The following THEMIS variants were observed in gnomAD, a reference collection of about 807,000 sequenced individuals.
The protein encoded by THEMIS is protein THEMIS.
In THEMIS, 37 loss-of-function variants were observed where a neutral mutation model predicts 52.6. The ratio of observed to expected loss-of-function variants is 0.70; its 90% CI spans 0.54 to 0.93. The LOEUF (loss-of-function observed/expected upper bound fraction) is 0.93. Among genes scored for constraint, THEMIS ranks in the 40% least tolerant of loss-of-function variants. The pLI, the probability that THEMIS is intolerant of heterozygous loss-of-function variation, is 0.00. For synonymous variants in THEMIS, 292 were observed against 272.7 expected, an observed-to-expected ratio of 1.07 and a Z score of -0.70; for missense variants, 808 against 763.1, an observed-to-expected ratio of 1.06 and a Z score of -0.69.
At chr6:127,823,329 A>G (rs1778403207) in intron 3 of THEMIS, among the ~76,000 whole-genome samples, 1 of 152,134 alleles carries the variant, frequency 6.6e-6, no homozygotes, top group Admixed American at 6.5e-5. Context: ...ATATGAATAT[A>G]AATGATATAA....
chr6:127,917,536 A>T (rs1449509140), intron 1 of THEMIS, among the ~76,000 whole-genome samples: 1 of 152,198 alleles, frequency 6.6e-6, no homozygotes, highest in Admixed American at 6.5e-5. Context: ...CTTGTGTCAA[A>T]GTTCCTCTTG....
At chr6:127,760,076 C>T (rs955722170) in intron 4 of THEMIS, among the ~76,000 whole-genome samples, 4 of 142,494 alleles carry the variant, frequency 2.8e-5, no homozygotes, top group African/African-American at 4.9e-5. Flanking sequence ...AGCTAAGAAT[C>T]GAATCTCTTT....
intron 1 of THEMIS, among the ~76,000 whole-genome samples, chr6:127,872,296 G>A (rs1473628419): frequency 6.6e-6 from 1 of 152,096 alleles, no homozygotes; most frequent in African/African-American, 2.4e-5. Context: ...CTTACGCTGG[G>A]AGTGGTGGCT....
Position 127,782,224 on chromosome 6 carries a change from C to A in THEMIS, c.1758+30659G>T, listed in dbSNP as rs1053776766. Among the ~76,000 whole-genome samples the A allele has an allele frequency of 1.1e-4, 17 of 152,252 alleles. No homozygotes were observed. In the East Asian group the frequency reaches 2.9e-3, roughly 26 times the overall value. On this transcript the variant is annotated intron_variant, in intron 4 of 5. Transcript: ENST00000368248. ...AGAATTTCAAGCCAGTGGATGTTACCTTTTTGGGCTCCATGGGGGTGGGAT... is the reference window on the plus strand; with the variant it reads ...AGAATTTCAAGCCAGTGGATGTTACATTTTTGGGCTCCATGGGGGTGGGAT...
At position 127,906,946 on chromosome 6, in the gene THEMIS, T is replaced by TAA. The variant is rs1310830249; in HGVS notation, c.-149-5867_-149-5866dup. 3.5e-4 allele frequency among the ~76,000 whole-genome samples: 52 copies of TAA among 146,530 alleles called. 1 individual carries two copies. The East Asian group carries it at 0.012, about 33-fold the overall frequency. On this transcript the variant is annotated intron_variant, in intron 1 of 6. Coordinates refer to the THEMIS transcript ENST00000368250. ...AAAGTAAGTAGAACTGTCTGAATGT[T>TAA]AAAAAACAAAAAAAAAAATTCACAA... is the stretch of plus-strand genomic sequence containing the variant.
At chr6:127,819,191 T>G (rs172007) in intron 3 of THEMIS, among the ~76,000 whole-genome samples, 3 of 141,506 alleles carry the variant, frequency 2.1e-5, no homozygotes, top group Non-Finnish European at 4.6e-5. Flanking sequence ...AAGTCTTTGG[T>G]GGGTTTCTCA....
chr6:127,809,474 A>T (rs1380906361), intron 4 of THEMIS, among the ~76,000 whole-genome samples: 2 of 152,188 alleles, frequency 1.3e-5, no homozygotes, highest in Non-Finnish European at 2.9e-5. Flanking sequence ...GCTGAAAATA[A>T]GGAGGTTAGT....
chr6:127,905,257 A>G (rs1781240310), upstream of THEMIS, among the ~76,000 whole-genome samples: 1 of 152,060 alleles, frequency 6.6e-6, no homozygotes, highest in Non-Finnish European at 1.5e-5. Context: ...ACTCTGAAGA[A>G]AAGAAATTGT....
intron 3 of THEMIS, among the ~76,000 whole-genome samples, chr6:127,815,433 C>G (rs565592546): frequency 1.4e-4 from 22 of 151,918 alleles, no homozygotes; most frequent in African/African-American, 5.3e-4. Flanking sequence ...CATCAAAAAA[C>G]CTGTGTGATT....
chr6:127,898,343 T>C (rs189893160), intron 1 of THEMIS, among the ~76,000 whole-genome samples: 11 of 151,928 alleles, frequency 7.2e-5, no homozygotes, highest in Admixed American at 3.3e-4. Context: ...GAATGTCAAT[T>C]CTTTCCAACT....
intron 1 of THEMIS, among the ~76,000 whole-genome samples, chr6:127,860,005 C>T (rs17301984): frequency 0.062 from 9,419 of 152,116 alleles, 363 homozygotes; most frequent in Non-Finnish European, 0.091. Context: ...ATTTTATTGG[C>T]AATTGTGTAC....
At chr6:127,830,710 A>G (rs888870321) in intron 2 of THEMIS, among the ~76,000 whole-genome samples, 1 of 152,092 alleles carries the variant, frequency 6.6e-6, no homozygotes, top group Admixed American at 6.6e-5. Context: ...AAAATAAAAA[A>G]TAAAAAATAA....
rs1244857367 is a variant in THEMIS, at chr6:127,813,407, C to A, written c.1234G>T (p.Ala412Ser). The part of the protein sequence containing the change: ...EGIKKVVNVL[A>S]CEKILKKSYE... ...GACTTTTTGAGGATTTTTTCACAGG[C>A]CAGAACATTCACCACTTTTTTTATT... The change falls in exon 4 of 6, where the codon GCC (alanine) becomes TCC (serine). Residue 412 changes from alanine (A) to serine (S), a missense_variant. Coordinates refer to ENST00000368248, the MANE Select transcript of THEMIS (RefSeq NM_001010923.3). 1 of 1,613,692 alleles carries A rather than the reference C, an allele frequency of 6.2e-7. No homozygotes were observed.
At position 127,813,501 on chromosome 6, in the gene THEMIS, C is replaced by A; in HGVS notation, c.1140G>T (p.Leu380=). The A allele has an allele frequency of 6.2e-7, 1 of 1,613,966 alleles. No individual in the cohort carries two copies. The change falls in exon 4 of 6, where the codon CTG becomes CTT. Residue 380 remains leucine (L), a synonymous_variant. Coordinates refer to ENST00000368248, the MANE Select transcript of THEMIS (RefSeq NM_001010923.3). ...ACTGGTCCCCAACAGATACGGATGA[C>A]AGCTTGTCATGAGGGGAATGAAACG... The part of the protein sequence containing the change: ...TKAFHSPHDK[L]SSVSVGDQFL...
chr6:127,769,855 G>A (rs1776323176), intron 4 of THEMIS, among the ~76,000 whole-genome samples: 1 of 152,106 alleles, frequency 6.6e-6, no homozygotes, highest in Non-Finnish European at 1.5e-5. Context: ...TCCCACCTAT[G>A]AGTGAGAACA....
chr6:127,814,925 G>A (rs1778072447), intron 3 of THEMIS, among the ~76,000 whole-genome samples: 2 of 152,192 alleles, frequency 1.3e-5, no homozygotes, highest in African/African-American at 4.8e-5. Flanking sequence ...GGGAGGCTAA[G>A]GTGGGAGGAC....
At chr6:127,863,107 C>T (rs1779861046) in intron 1 of THEMIS, among the ~76,000 whole-genome samples, 1 of 152,150 alleles carries the variant, frequency 6.6e-6, no homozygotes, top group African/African-American at 2.4e-5. Context: ...TATTCCAGGT[C>T]AGCTGTCTGA....
chr6:127,798,732 T>C (rs1344635588), intron 4 of THEMIS, among the ~76,000 whole-genome samples: 1 of 152,136 alleles, frequency 6.6e-6, no homozygotes, highest in Non-Finnish European at 1.5e-5. Flanking sequence ...GGCTCACGCC[T>C]GTAATCCCAG....
chr6:127,752,513 G>A (rs1775681503), intron 4 of THEMIS, among the ~76,000 whole-genome samples: 1 of 151,362 alleles, frequency 6.6e-6, no homozygotes, highest in Non-Finnish European at 1.5e-5. Flanking sequence ...GGACTATGAT[G>A]AACAAATATA....
Sources: allele counts gnomAD v4.1 joint callset (sites outside exome capture counted in the v4.1 genomes callset), GRCh38; gene constraint gnomAD v4.1.1; transcripts MANE v1.5; gene names NCBI Gene and HGNC (gene_info 2026-07-23, HGNC 2026-07-21).